Variants in RCOR1 observed in about 807,000 individuals in gnomAD.
The protein encoded by RCOR1 is REST corepressor 1, also known as REST corepressor.
RCOR1 carries 12 observed loss-of-function variants against 64.0 expected under a neutral mutation model. The ratio of observed to expected loss-of-function variants is 0.19; its 90% CI spans 0.12 to 0.30. The LOEUF is 0.30. RCOR1 is among the 10% of genes least tolerant of loss of function. The pLI is 1.00. For synonymous variants in RCOR1, 279 were observed against 227.2 expected (o/e 1.23, Z -2.05); for missense variants, 502 against 621.2 (o/e 0.81, Z 2.04).
chr14:102,614,006 C>T (rs1893693816), intron 2 of RCOR1, among the ~76,000 whole-genome samples: 1 of 148,358 alleles, frequency 6.7e-6, no homozygotes. Flanking sequence ...AGGGATTCGC[C>T]TGCCTCAGCT....
chr14:102,648,794 T>G (rs1208048382), intron 2 of RCOR1, among the ~76,000 whole-genome samples: 1 of 152,184 alleles, frequency 6.6e-6, no homozygotes, highest in Non-Finnish European at 1.5e-5. Context: ...ATATAGTTAC[T>G]CATTTGCTTA....
At chr14:102,609,583 G>A (rs1471771189) in intron 2 of RCOR1, among the ~76,000 whole-genome samples, 2 of 151,886 alleles carry the variant, frequency 1.3e-5, no homozygotes, top group Non-Finnish European at 1.5e-5. Flanking sequence ...GGGATTGTAA[G>A]CATGTACCAC....
intron 2 of RCOR1, among the ~76,000 whole-genome samples, chr14:102,673,601 C>T (rs988069875): frequency 6.6e-6 from 1 of 151,758 alleles, no homozygotes; most frequent in African/African-American, 2.4e-5. Context: ...TCCCAAAGTG[C>T]TGGGATTACA....
chr14:102,593,322 C>G lies in RCOR1; in HGVS notation c.358C>G (p.Pro120Ala), dbSNP rs1374212750. Residue 120 changes from proline (P) to alanine (A), a missense_variant, in exon 2 of 12, where the codon CCC (proline) becomes GCC (alanine). Pro to Ala is a conservative substitution (Grantham distance 27). Coordinates refer to ENST00000262241, the MANE Select transcript of RCOR1 (RefSeq NM_015156.4). ...CCAGGCGGTGGTGCCCGACTTCGAC[C>G]CCGGTGAGTAGCGGCCCCGGCCGGC... ...QYQAVVPDFD[P>A]AKLARRSQER... The G allele has an allele frequency of 1.3e-6, 2 of 1,544,960 alleles. No individual in the cohort carries two copies. Among genetic ancestry groups the G allele is most frequent in the Non-Finnish European group, 8.7e-7 (1 of 1,152,764 alleles).
intron 2 of RCOR1, among the ~76,000 whole-genome samples, chr14:102,640,759 G>T (rs1894351774): frequency 6.6e-6 from 1 of 152,092 alleles, no homozygotes; most frequent in Non-Finnish European, 1.5e-5. Flanking sequence ...AGGGACACTT[G>T]AGCCCAGCCT....
chr14:102,657,502 G>T, intron 2 of RCOR1: 1 of 983,726 alleles, frequency 1.0e-6, no homozygotes, highest in Non-Finnish European at 1.2e-6. Context: ...TATTAATCTA[G>T]TGGAATTTTA....
At chr14:102,601,980 G>A (rs548594089) in intron 2 of RCOR1, among the ~76,000 whole-genome samples, 9 of 152,112 alleles carry the variant, frequency 5.9e-5, no homozygotes, top group South Asian at 2.1e-4. Context: ...CCAACATGGC[G>A]AAACCCCGTC....
chr14:102,594,366 C>T (rs2139872193), intron 2 of RCOR1, among the ~76,000 whole-genome samples: 1 of 152,212 alleles, frequency 6.6e-6, no homozygotes, highest in Admixed American at 6.5e-5. Context: ...AAAAGATAAA[C>T]GCATACATGT....
rs552478313 is a variant in RCOR1 at position 102,611,215 on chromosome 14, G to A, written c.361+17890G>A. 1.9e-3 allele frequency among the ~76,000 whole-genome samples: 296 copies of A among 152,144 alleles called. 2 individuals carry two copies. The highest frequency in any genetic ancestry group is 2.9e-3 in the Non-Finnish European group (194 of 68,008). ...GCCTCCTGAGTAGCTGTGATTACAG[G>A]TGCTCACCACCACGCCTGGCTAATT... On this transcript the variant is annotated intron_variant, in intron 2 of 11. Coordinates refer to ENST00000262241, the MANE Select transcript of RCOR1 (RefSeq NM_015156.4).
intron 2 of RCOR1, among the ~76,000 whole-genome samples, chr14:102,603,000 C>T (rs537204596): frequency 6.6e-6 from 1 of 152,234 alleles, no homozygotes; most frequent in East Asian, 1.9e-4. Flanking sequence ...GTCACTGTGC[C>T]TGTAATTAAG....
At chr14:102,621,990 A>G (rs755959606) in intron 2 of RCOR1, among the ~76,000 whole-genome samples, 2 of 152,150 alleles carry the variant, frequency 1.3e-5, no homozygotes, top group Admixed American at 6.6e-5. Context: ...TCTCCCCGCA[A>G]AGAGAAATAC....
intron 2 of RCOR1, among the ~76,000 whole-genome samples, chr14:102,595,432 CTG>C (rs1285604598): frequency 1.3e-5 from 2 of 152,108 alleles, no homozygotes; most frequent in Non-Finnish European, 2.9e-5. Context: ...GAAGTCAAGG[CTG>C]CAGTGAGCAG....
At chr14:102,645,133 T>C (rs1262061701) in intron 2 of RCOR1, among the ~76,000 whole-genome samples, 1 of 152,216 alleles carries the variant, frequency 6.6e-6, no homozygotes. Flanking sequence ...TTAGCCTGTT[T>C]GTGGTAGGTC....
At chr14:102,707,569 C>A in intron 5 of RCOR1, 57 bp downstream of exon 5, 1 of 1,385,606 alleles carries the variant, frequency 7.2e-7, no homozygotes, top group Non-Finnish European at 9.9e-7. Flanking sequence ...CTCTCTTTTG[C>A]AGCATACTTG....
intron 3 of RCOR1, among the ~76,000 whole-genome samples, chr14:102,689,524 A>T (rs1159327897): frequency 6.6e-6 from 1 of 152,208 alleles, no homozygotes; most frequent in Non-Finnish European, 1.5e-5. Flanking sequence ...TAGCAAGGTG[A>T]CTTTTGGCTA....
chr14:102,704,209 G>C (rs530325926), intron 4 of RCOR1, among the ~76,000 whole-genome samples: 1 of 152,128 alleles, frequency 6.6e-6, no homozygotes, highest in South Asian at 2.1e-4. Context: ...ACCCAATCCT[G>C]TACTCTTCTC....
At position 102,622,408 on chromosome 14, in the gene RCOR1, A is replaced by ACTGT. The variant is rs528069120; in HGVS notation, c.361+29087_361+29090dup. On this transcript the variant is annotated intron_variant, in intron 2 of 11. Coordinates refer to ENST00000262241, the MANE Select transcript of RCOR1 (RefSeq NM_015156.4). Reference sequence around the variant, plus strand: ...TACCCTCACCCACAGCTTCCCCATCACTGTCTGCTTGGGAACCGTGAGCAT... The same window carrying ACTGT: ...TACCCTCACCCACAGCTTCCCCATCACTGTCTGTCTGCTTGGGAACCGTGAGCAT... Among the ~76,000 whole-genome samples, 14 of 151,886 alleles carry ACTGT rather than the reference A, an allele frequency of 9.2e-5. 1 individual carries two copies. The South Asian group carries it at 2.7e-3, about 29-fold the overall frequency.
At chr14:102,689,506 G>A (rs1338389268) in intron 3 of RCOR1, among the ~76,000 whole-genome samples, 1 of 152,238 alleles carries the variant, frequency 6.6e-6, no homozygotes, top group Non-Finnish European at 1.5e-5. Context: ...TGCCTTGGGT[G>A]TAGAATTTAG....
At chr14:102,673,398 A>G (rs984310622) in intron 2 of RCOR1, among the ~76,000 whole-genome samples, 9 of 149,138 alleles carry the variant, frequency 6.0e-5, no homozygotes, top group Non-Finnish European at 1.2e-4. Context: ...GTGCACTGGC[A>G]GGATCTCGGC....
Sources: allele counts gnomAD v4.1 joint callset (sites outside exome capture counted in the v4.1 genomes callset), GRCh38; gene constraint gnomAD v4.1.1; transcripts MANE v1.5; gene names NCBI Gene and HGNC (gene_info 2026-07-23, HGNC 2026-07-21).